Variants in ZC3H15 observed in about 807,000 individuals in gnomAD.
The protein encoded by ZC3H15 is zinc finger CCCH domain-containing protein 15.
Under a neutral mutation model 51.2 loss-of-function variants are expected in ZC3H15, and 15 were observed. That is an observed-to-expected ratio of 0.29 (90% CI 0.20 to 0.45). The LOEUF is 0.45. ZC3H15 is among the 20% of genes least tolerant of loss of function. The pLI is 1.00. For synonymous variants in ZC3H15, 144 were observed against 162.8 expected (o/e 0.88, Z 0.88); for missense variants, 381 against 494.7 (o/e 0.77, Z 2.18).
chr2:186,501,558 A>AT, intron 4 of ZC3H15, 133 bp downstream of exon 4: 1 of 769,180 alleles, frequency 1.3e-6, no homozygotes, highest in Non-Finnish European at 1.9e-6. Context: ...TGGGTTTATT[A>AT]TTTTTTATAA....
chr2:186,499,519 T>A, intron 2 of ZC3H15: 1 of 450,120 alleles, frequency 2.2e-6, no homozygotes, highest in South Asian at 1.6e-5. Flanking sequence ...CACTATGTAC[T>A]ATGTTACAGT....
chr2:186,495,423 TTGTATTTCAA>T (rs1685266842), intron 2 of ZC3H15, 89 bp downstream of exon 2: 2 of 888,222 alleles, frequency 2.3e-6, no homozygotes, highest in Non-Finnish European at 3.1e-6. Context: ...TATTATATAA[TTGTATTTCAA>T]AACAGAATCC....
intron 2 of ZC3H15, among the ~76,000 whole-genome samples, chr2:186,496,501 C>T (rs1685284835): frequency 6.6e-6 from 1 of 152,230 alleles, no homozygotes; most frequent in African/African-American, 2.4e-5. Flanking sequence ...CATGCCCAGA[C>T]TAAGTTTGTT....
At chr2:186,506,680 TG>T in intron 8 of ZC3H15, 32 bp from the exon 9 acceptor site, 6 of 1,582,188 alleles carry the variant, frequency 3.8e-6, no homozygotes, top group Non-Finnish European at 3.4e-6. Context: ...TGTTCTTATT[TG>T]TAACAACTTT....
chr2:186,495,746 T>C (rs1685270958), intron 2 of ZC3H15, among the ~76,000 whole-genome samples: 1 of 152,250 alleles, frequency 6.6e-6, no homozygotes, highest in African/African-American at 2.4e-5. Flanking sequence ...ATTTTAACAT[T>C]ATAAATTTGC....
chr2:186,494,976 A>G (rs1349245012), intron 1 of ZC3H15, among the ~76,000 whole-genome samples: 1 of 151,952 alleles, frequency 6.6e-6, no homozygotes, highest in Non-Finnish European at 1.5e-5. Flanking sequence ...TAAAAAATAT[A>G]TATAAAAATA....
chr2:186,504,406 A>G (rs2105593371), intron 6 of ZC3H15, among the ~76,000 whole-genome samples, 192 bp downstream of exon 6: 1 of 152,326 alleles, frequency 6.6e-6, no homozygotes, highest in African/African-American at 2.4e-5. Context: ...TTAGCCAATC[A>G]TGACATTAAT....
chr2:186,496,658 A>G (rs1394659062), intron 2 of ZC3H15, among the ~76,000 whole-genome samples: 3 of 152,244 alleles, frequency 2.0e-5, no homozygotes, highest in African/African-American at 7.2e-5. Context: ...TTGTGCAAAT[A>G]TCATAGAGTG....
At chr2:186,503,900 T>A (rs1228288766) in intron 5 of ZC3H15, 132 bp from the exon 6 acceptor site, 6 of 636,852 alleles carry the variant, frequency 9.4e-6, no homozygotes, top group Non-Finnish European at 1.5e-5. Context: ...AGCACCCTTA[T>A]GTGCAGAAAT....
chr2:186,489,982 T>C (rs768503920), intron 1 of ZC3H15, among the ~76,000 whole-genome samples: 2 of 152,210 alleles, frequency 1.3e-5, no homozygotes, highest in Non-Finnish European at 2.9e-5. Flanking sequence ...GCTATTGTTA[T>C]TGCCTATTTT....
chr2:186,506,899 A>T, intron 9 of ZC3H15, 63 bp downstream of exon 9: 1 of 1,537,994 alleles, frequency 6.5e-7, no homozygotes, highest in Non-Finnish European at 8.8e-7. Context: ...GGGTTATACC[A>T]GGCTTGGCAA....
intron 9 of ZC3H15, chr2:186,507,484 A>G (rs1685487144): frequency 2.2e-6 from 1 of 456,430 alleles, no homozygotes; most frequent in South Asian, 1.5e-5. Context: ...GGTAAGGAGG[A>G]GAAGTTGATG....
At chr2:186,487,856 T>C (rs2044919) in intron 1 of ZC3H15, among the ~76,000 whole-genome samples, 100,800 of 152,036 alleles carry the variant, frequency 0.66, 33,726 homozygotes, top group Non-Finnish European at 0.71. Flanking sequence ...ATTGTAGAGC[T>C]TTCTCTATAT....
intron 5 of ZC3H15, among the ~76,000 whole-genome samples, chr2:186,502,914 G>C (rs191804144): frequency 3.3e-5 from 5 of 152,096 alleles, no homozygotes; most frequent in Admixed American, 6.5e-5. Context: ...GTGGAAGGAG[G>C]CCTGTTAAAC....
intron 1 of ZC3H15, among the ~76,000 whole-genome samples, chr2:186,493,705 CTG>C (rs1302105242): frequency 5.3e-5 from 8 of 151,954 alleles, no homozygotes; most frequent in South Asian, 2.1e-4. Flanking sequence ...CCTCTGAAGA[CTG>C]TAGGGAAGAA....
chr2:186,488,081 C>T (rs1685134154), intron 1 of ZC3H15, among the ~76,000 whole-genome samples: 1 of 152,014 alleles, frequency 6.6e-6, no homozygotes, highest in Non-Finnish European at 1.5e-5. Flanking sequence ...GACAACTGCA[C>T]TTTTTAACTA....
At chr2:186,496,728 A>G (rs989665570) in intron 2 of ZC3H15, among the ~76,000 whole-genome samples, 1 of 152,258 alleles carries the variant, frequency 6.6e-6, no homozygotes, top group Admixed American at 6.5e-5. Context: ...GGTATAGCCT[A>G]TTGATCCAAG....
At chr2:186,498,252 G>A (rs190198163) in intron 2 of ZC3H15, among the ~76,000 whole-genome samples, 1 of 152,120 alleles carries the variant, frequency 6.6e-6, no homozygotes, top group Non-Finnish European at 1.5e-5. Flanking sequence ...GGGGTGGGAA[G>A]AGGAGAAAAA....
intron 8 of ZC3H15, 197 bp downstream of exon 8, chr2:186,506,038 T>C: frequency 2.9e-6 from 2 of 685,978 alleles, no homozygotes; most frequent in Non-Finnish European, 5.3e-6. Flanking sequence ...TCATAGTTTG[T>C]GAGAATTAAT....
Sources: gnomAD v4.1 joint callset for allele counts (sites outside exome capture counted in the v4.1 genomes callset) on GRCh38, gnomAD v4.1.1 for gene constraint, MANE v1.5 for transcripts, NCBI Gene and HGNC (gene_info 2026-07-23, HGNC 2026-07-21) for gene names.